The following TMPRSS4 variants were observed in gnomAD, a reference collection of about 807,000 sequenced individuals.
The protein encoded by TMPRSS4 is transmembrane serine protease 4.
In TMPRSS4, 45 loss-of-function variants were observed where a neutral mutation model predicts 56.4. The ratio of observed to expected loss-of-function variants is 0.80; its 90% CI spans 0.63 to 1.02. The LOEUF (loss-of-function observed/expected upper bound fraction) is 1.02, where lower values mean the gene tolerates loss of function less well. TMPRSS4 is among the 50% of genes least tolerant of loss of function. The probability of loss-of-function intolerance (pLI) is 0.00; values close to 1 mark genes in which losing one functional copy is unlikely to be tolerated. For synonymous variants in TMPRSS4, 205 were observed against 211.0 expected, an observed-to-expected ratio of 0.97 and a Z score of 0.25; for missense variants, 546 against 556.7, an observed-to-expected ratio of 0.98 and a Z score of 0.19.
chr11:118,108,785 G>A (rs536030392), intron 6 of TMPRSS4, 71 bp from the exon 7 acceptor site: 67 of 1,543,914 alleles, frequency 4.3e-5, no homozygotes, highest in South Asian at 3.1e-4. Context: ...TAACAGCTTC[G>A]GGAGGCCTGA....
rs60159924 is a variant in TMPRSS4 at position 118,111,960 on chromosome 11, T to C, written c.743+60T>C. The C allele has an allele frequency of 4.7e-3, 7,340 of 1,568,814 alleles. 322 individuals carry two copies. In the African/African-American group the frequency reaches 0.092, roughly 20 times the overall value. On this transcript the variant is annotated intron_variant, in intron 8 of 12. Coordinates refer to ENST00000437212, the MANE Select transcript of TMPRSS4 (RefSeq NM_019894.4). ...CAAGGCCAGTCAGGGACCAGAGAGC[T>C]TGGGGTCCTGTCTCCTGGCACCGTC...
At chr11:118,113,495 C>A in intron 9 of TMPRSS4, 60 bp downstream of exon 9, 1 of 1,580,508 alleles carries the variant, frequency 6.3e-7, no homozygotes, top group Admixed American at 1.7e-5. Flanking sequence ...GCCCACTCTG[C>A]TATTAGCTCA....
At chr11:118,117,553 T>C in intron 12 of TMPRSS4, 99 bp downstream of exon 12, 1 of 1,511,504 alleles carries the variant, frequency 6.6e-7, no homozygotes, top group Non-Finnish European at 8.9e-7. Context: ...TTCTGACAAC[T>C]CTTTACATCC....
chr11:118,097,176 C>CTTAGCAGTGAACAAAA (rs1305739427), intron 2 of TMPRSS4, among the ~76,000 whole-genome samples: 1 of 149,984 alleles, frequency 6.7e-6, no homozygotes, highest in African/African-American at 2.5e-5. Context: ...GTTCTAGGCA[C>CTTAGCAGTGAACAAAA]CAGGGACTTA....
At chr11:118,094,695 G>A (rs1265852297) in intron 1 of TMPRSS4, 121 bp from the exon 2 acceptor site, 1 of 822,408 alleles carries the variant, frequency 1.2e-6, no homozygotes, top group East Asian at 2.7e-5. Flanking sequence ...GGATAACACA[G>A]AGACCCCCAA....
At chr11:118,091,367 C>G (rs755510545) in intron 1 of TMPRSS4, among the ~76,000 whole-genome samples, 2 of 152,152 alleles carry the variant, frequency 1.3e-5, no homozygotes, top group Non-Finnish European at 2.9e-5. Context: ...CAAGATCCTC[C>G]GTAACCATCC....
chr11:118,098,308 C>G (rs540749896), intron 2 of TMPRSS4, among the ~76,000 whole-genome samples: 1 of 152,204 alleles, frequency 6.6e-6, no homozygotes, highest in Non-Finnish European at 1.5e-5. Context: ...GTGCCTCCCT[C>G]CCAAACTGCA....
At chr11:118,084,360 G>A (rs906112656) in intron 1 of TMPRSS4, among the ~76,000 whole-genome samples, 1 of 152,246 alleles carries the variant, frequency 6.6e-6, no homozygotes, top group African/African-American at 2.4e-5. Flanking sequence ...AGTTATGTGA[G>A]TGGGCAGGAA....
intron 1 of TMPRSS4, among the ~76,000 whole-genome samples, chr11:118,087,978 CAA>C (rs1165327665): frequency 1.3e-5 from 2 of 152,076 alleles, no homozygotes; most frequent in Non-Finnish European, 2.9e-5. Context: ...CAGAACTGAG[CAA>C]AGTCACTCTA....
At chr11:118,077,739 C>T (rs1944771557) in intron 1 of TMPRSS4, among the ~76,000 whole-genome samples, 2 of 151,926 alleles carry the variant, frequency 1.3e-5, no homozygotes, top group South Asian at 2.1e-4. Flanking sequence ...AGACTGGGTG[C>T]AGTGGCTCAC....
Position 118,113,360 on chromosome 11 carries a change from A to G in TMPRSS4, c.835A>G (p.Ile279Val), listed in dbSNP as rs1186229285. 2 of 1,614,122 alleles carry G rather than the reference A, an allele frequency of 1.2e-6. No homozygotes were observed. Among genetic ancestry groups the G allele is most frequent in the Non-Finnish European group, 8.5e-7 (1 of 1,180,010 alleles). Reference protein sequence around the residue: ...PSLAVAKIIIIEFNPMYPKDN... With the variant: ...PSLAVAKIIIVEFNPMYPKDN... Reference sequence around the variant, plus strand: ...CCTGGCTGTGGCCAAGATCATCATCATTGAATTCAACCCCATGTACCCCAA... The same window carrying G: ...CCTGGCTGTGGCCAAGATCATCATCGTTGAATTCAACCCCATGTACCCCAA... Residue 279 changes from isoleucine to valine, a missense_variant, in exon 9 of 13, where the codon ATT becomes GTT. Transcript: ENST00000437212.
At chr11:118,091,856 G>A (rs180736820) in intron 1 of TMPRSS4, among the ~76,000 whole-genome samples, 11 of 152,194 alleles carry the variant, frequency 7.2e-5, no homozygotes, top group African/African-American at 2.4e-4. Flanking sequence ...AGAGTCGTCC[G>A]ATTGGGTCTC....
chr11:118,117,433 C>G lies in TMPRSS4; in HGVS notation c.1281C>G (p.Asn427Lys), dbSNP rs764873655. The change falls in exon 12 of 13, where the codon AAC becomes AAG. Residue 427 changes from asparagine (N) to lysine (K), a missense_variant. Asn to Lys is a moderately conservative substitution (Grantham distance 94, BLOSUM62 0). Transcript: ENST00000437212. ...ACACCAAGGTCTCAGCCTATCTCAA[C>G]TGGATCTACAATGTCTGGAAGGTAA... The part of the protein sequence containing the change: ...GVYTKVSAYL[N>K]WIYNVWKAEL The G allele has an allele frequency of 1.2e-6, 2 of 1,613,932 alleles. No individual in the cohort carries two copies. Among genetic ancestry groups the G allele is most frequent in the Non-Finnish European group, 1.7e-6 (2 of 1,179,878 alleles).
At chr11:118,091,189 A>G (rs1024042673) in intron 1 of TMPRSS4, among the ~76,000 whole-genome samples, 5 of 152,102 alleles carry the variant, frequency 3.3e-5, no homozygotes, top group Non-Finnish European at 2.9e-5. Context: ...GGCGAGGCCT[A>G]TTGTTTGTAT....
Position 118,117,415 on chromosome 11 carries a change from G to C in TMPRSS4, c.1263G>C (p.Lys421Asn). The C allele has an allele frequency of 6.2e-7, 1 of 1,614,104 alleles. No homozygotes were observed. The highest frequency in any genetic ancestry group is 8.5e-7 in the Non-Finnish European group (1 of 1,179,994). Residue 421 changes from lysine to asparagine, a missense_variant, in exon 12 of 13, where the codon AAG becomes AAC. Transcript: ENST00000437212. ...CGAGCACCCCAGGAGTATACACCAA[G>C]GTCTCAGCCTATCTCAACTGGATCT... ...GGPSTPGVYT[K>N]VSAYLNWIYN... is the part of the protein sequence containing the mutation.
In TMPRSS4 at chr11:118,118,971, G is replaced by A. The variant is rs1341544501; in HGVS notation, c.*1058G>A. The A allele has an allele frequency of 2.0e-6, 2 of 985,272 alleles. No individual in the cohort carries two copies. Among genetic ancestry groups the A allele is most frequent in the Non-Finnish European group, 2.4e-6 (2 of 829,930 alleles). The allele number at this position is 985,272 out of a possible 1,614,324, so 61.0% of individuals were successfully genotyped here. ...AGTCCCTGCACTCAAAATGGTCAAAGAATTAAACCCCATGGACTTTTTTGG... is the reference window on the plus strand; with the variant it reads ...AGTCCCTGCACTCAAAATGGTCAAAAAATTAAACCCCATGGACTTTTTTGG... On this transcript the variant is annotated 3_prime_UTR_variant, in exon 13 of 13. Transcript: ENST00000437212.
In TMPRSS4 at chr11:118,077,216, GA is replaced by G; in HGVS notation, c.-86del. The G allele has an allele frequency of 6.5e-7, 1 of 1,540,290 alleles. No individual in the cohort carries two copies. Among genetic ancestry groups the G allele is most frequent in the Middle Eastern group, 1.7e-4 (1 of 5,860 alleles). ...GACTTCTGACCTGCTGGCCAGCCAG[GA>G]CCTGTGTGGGGAGGCCCTCCTGCTG... On this transcript the variant is annotated 5_prime_UTR_variant, in exon 1 of 13. Coordinates refer to ENST00000437212, the MANE Select transcript of TMPRSS4 (RefSeq NM_019894.4).
chr11:118,107,781 A>G lies in TMPRSS4; in HGVS notation c.448A>G (p.Thr150Ala), dbSNP rs778077806. Residue 150 changes from threonine (T) to alanine (A), a missense_variant, in exon 6 of 13, where the codon ACT becomes GCT. Thr to Ala is a moderately conservative substitution (Grantham distance 58). Transcript: ENST00000437212. The stretch of plus-strand genomic sequence containing the variant: ...CCCTCTTGATGTGAGCAGCAAACCC[A>G]CTTTCAGAGCTGTGGAGATTGGCCC... ...CRQMGYSSKP[T>A]FRAVEIGPDQ... 1.3e-5 allele frequency: 21 copies of G among 1,613,816 alleles called. No individual in the cohort carries two copies. In the South Asian group the frequency reaches 2.1e-4, roughly 16 times the overall value.
intron 1 of TMPRSS4, among the ~76,000 whole-genome samples, chr11:118,082,711 C>G (rs1414092743): frequency 2.0e-5 from 3 of 151,648 alleles, no homozygotes; most frequent in Non-Finnish European, 4.4e-5. Context: ...CAATGCTGCT[C>G]AGGGAAAAAA....
Sources: gnomAD v4.1 joint callset for allele counts (sites outside exome capture counted in the v4.1 genomes callset) on GRCh38, gnomAD v4.1.1 for gene constraint, MANE v1.5 for transcripts, NCBI Gene and HGNC (gene_info 2026-07-23, HGNC 2026-07-21) for gene names.